The following DAB1 variants were observed in gnomAD, a reference collection of about 807,000 sequenced individuals.
The protein encoded by DAB1 is disabled homolog 1.
DAB1 carries 15 observed loss-of-function variants against 64.6 expected under a neutral mutation model. The observed-to-expected ratio is 0.23, with a 90% CI of 0.16 to 0.36. DAB1 has a LOEUF of 0.36. Among genes scored for constraint, DAB1 ranks in the 10% least tolerant of loss-of-function variants. The probability of loss-of-function intolerance (pLI) is 1.00; values close to 1 mark genes in which losing one functional copy is unlikely to be tolerated. For missense variants in DAB1, 596 were observed against 706.7 expected, an observed-to-expected ratio of 0.84 and a Z score of 1.78; for synonymous variants, 235 against 251.9, an observed-to-expected ratio of 0.93 and a Z score of 0.64.
intron 5 of DAB1, among the ~76,000 whole-genome samples, chr1:57,903,454 T>A (rs1001776627): frequency 1.3e-5 from 2 of 152,146 alleles, no homozygotes; most frequent in Non-Finnish European, 2.9e-5. Context: ...ATTCTTTTGG[T>A]TGAGTATTCA....
rs546611951 is a variant in DAB1, at chr1:57,244,028, A to G, written c.67+46936T>C. 8.5e-5 allele frequency among the ~76,000 whole-genome samples: 13 copies of G among 152,216 alleles called. No individual in the cohort carries two copies. The South Asian group carries it at 1.2e-3, about 15-fold the overall frequency. On this transcript the variant is annotated intron_variant, in intron 2 of 14. Transcript: ENST00000371236. ...TTTATCTGTGTTATTTCCTCTATCC[A>G]GAATGTTCCACTTGTTGTTTCTGTA...
chr1:57,893,711 C>T (rs71642143), intron 5 of DAB1, among the ~76,000 whole-genome samples: 238 of 152,158 alleles, frequency 1.6e-3, no homozygotes, highest in Non-Finnish European at 2.7e-3. Context: ...GAAAGGCTCC[C>T]GCCACCACCA....
At chr1:57,888,448 G>A (rs940986712), upstream of DAB1, among the ~76,000 whole-genome samples, 5 of 152,012 alleles carry the variant, frequency 3.3e-5, no homozygotes, top group Admixed American at 6.6e-5. Flanking sequence ...CATTAGTTTT[G>A]GTCTCTTTGT....
intron 4 of DAB1, among the ~76,000 whole-genome samples, chr1:58,239,555 T>C (rs1000681891): frequency 3.3e-5 from 5 of 152,180 alleles, no homozygotes; most frequent in Non-Finnish European, 5.9e-5. Context: ...TTGTGTTAAT[T>C]AGAAAGTCAA....
intron 4 of DAB1, among the ~76,000 whole-genome samples, chr1:57,090,797 C>A (rs1313314231): frequency 1.3e-5 from 2 of 152,072 alleles, no homozygotes; most frequent in Non-Finnish European, 2.9e-5. Flanking sequence ...GGCCAGGTAC[C>A]AATCTGTGGC....
intron 1 of DAB1, among the ~76,000 whole-genome samples, chr1:57,393,983 C>T (rs1474801318): frequency 1.3e-5 from 2 of 152,166 alleles, no homozygotes; most frequent in Non-Finnish European, 2.9e-5. Flanking sequence ...TAATCTAGAA[C>T]CTTGATTCAA....
chr1:58,467,625 A>T (rs1279081052), intron 3 of DAB1, among the ~76,000 whole-genome samples: 1 of 152,256 alleles, frequency 6.6e-6, no homozygotes, highest in East Asian at 1.9e-4. Context: ...GCCACAATAG[A>T]TTAAGACTCA....
chr1:57,419,792 G>C (rs1386971544), intron 1 of DAB1, among the ~76,000 whole-genome samples: 1 of 152,206 alleles, frequency 6.6e-6, no homozygotes. Context: ...TAGATTAGCT[G>C]GCCAAGGCCA....
intron 9 of DAB1, among the ~76,000 whole-genome samples, chr1:57,049,933 G>A (rs1466858727): frequency 6.6e-6 from 1 of 152,156 alleles, no homozygotes; most frequent in Admixed American, 6.5e-5. Flanking sequence ...CAGTGGCTGA[G>A]TCTCCTGCAG....
rs546506382 is a variant in DAB1 at position 57,305,116 on chromosome 1, C to T, written c.-136-13950G>A. Among the ~76,000 whole-genome samples, 59 of 152,280 alleles carry T rather than the reference C, an allele frequency of 3.9e-4. 1 individual carries two copies. The highest frequency in any genetic ancestry group is 3.3e-3 in the Admixed American group (51 of 15,290). ...TTCTGAAGACTTAATAATATTTACA[C>T]GTGAGTGGGCTGCATTGAAGAGAAA... On this transcript the variant is annotated intron_variant, in intron 1 of 14. Coordinates refer to ENST00000371236, the MANE Select transcript of DAB1 (RefSeq NM_001365792.1).
At chr1:57,033,959 T>A (rs973079364) in intron 9 of DAB1, among the ~76,000 whole-genome samples, 1 of 152,210 alleles carries the variant, frequency 6.6e-6, no homozygotes, top group East Asian at 1.9e-4. Flanking sequence ...CCATGTGTTT[T>A]TATACATGTT....
chr1:57,604,799 C>A (rs1440911237), intron 7 of DAB1, among the ~76,000 whole-genome samples: 1 of 152,190 alleles, frequency 6.6e-6, no homozygotes, highest in African/African-American at 2.4e-5. Context: ...CCTGTTCCAA[C>A]CTGTGATAAC....
At chr1:58,457,388 G>A (rs7512303) in intron 3 of DAB1, among the ~76,000 whole-genome samples, 1,609 of 152,064 alleles carry the variant, frequency 0.011, 31 homozygotes, top group African/African-American at 0.037. Flanking sequence ...AAGAGTCCCA[G>A]CTGGCCACCT....
intron 6 of DAB1, among the ~76,000 whole-genome samples, chr1:57,769,690 T>C (rs1649472445): frequency 6.6e-6 from 1 of 152,152 alleles, no homozygotes; most frequent in Non-Finnish European, 1.5e-5. Context: ...TTCTCTGTGA[T>C]TTATTTTTCT....
chr1:57,210,378 A>T (rs1283514516), intron 2 of DAB1, among the ~76,000 whole-genome samples: 1 of 152,216 alleles, frequency 6.6e-6, no homozygotes, highest in Non-Finnish European at 1.5e-5. Flanking sequence ...TGTTCTGCTG[A>T]AAAATGATGA....
chr1:58,426,002 G>A (rs1644818702), intron 3 of DAB1, among the ~76,000 whole-genome samples: 1 of 152,164 alleles, frequency 6.6e-6, no homozygotes, highest in South Asian at 2.1e-4. Flanking sequence ...AATGGAAGAA[G>A]GGGAGAGCCC....
At chr1:58,011,215 A>G (rs1313461897) in intron 5 of DAB1, among the ~76,000 whole-genome samples, 2 of 152,202 alleles carry the variant, frequency 1.3e-5, no homozygotes, top group African/African-American at 4.8e-5. Context: ...TGTAAAAGGA[A>G]TGAGGAAAAT....
intron 1 of DAB1, among the ~76,000 whole-genome samples, chr1:57,329,660 CAAA>C (rs57801886): frequency 0.012 from 1,244 of 101,000 alleles, 20 homozygotes; most frequent in African/African-American, 0.043. Flanking sequence ...TTGTCTCTTC[CAAA>C]AAAAAAAAAA....
chr1:58,133,024 A>G (rs1401551181), intron 5 of DAB1, among the ~76,000 whole-genome samples: 1 of 152,194 alleles, frequency 6.6e-6, no homozygotes, highest in Non-Finnish European at 1.5e-5. Context: ...TTTACATACA[A>G]AAAGCTGACA....
Sources: gnomAD v4.1 joint callset for allele counts (sites outside exome capture counted in the v4.1 genomes callset) on GRCh38, gnomAD v4.1.1 for gene constraint, MANE v1.5 for transcripts, NCBI Gene and HGNC (gene_info 2026-07-23, HGNC 2026-07-21) for gene names.